CHRDL1: variants seen among roughly 807,000 people sequenced by gnomAD.
CHRDL1 encodes the protein chordin like 1, also known as chordin-like protein 1.
CHRDL1 carries 19 observed loss-of-function variants against 40.9 expected under a neutral mutation model. The ratio of observed to expected loss-of-function variants is 0.46; its 90% confidence interval spans 0.32 to 0.68. The LOEUF (loss-of-function observed/expected upper bound fraction) is 0.68, where lower values mean the gene tolerates loss of function less well. Ranked by LOEUF, CHRDL1 falls within the 30% of genes least tolerant of loss-of-function variation. The pLI is 0.03. For missense variants in CHRDL1, 329 were observed against 352.1 expected, an observed-to-expected ratio of 0.93 and a Z score of 0.53; for synonymous variants, 136 against 123.4, an observed-to-expected ratio of 1.10 and a Z score of -0.68.
chrX:110,691,892 C>A (rs980527867), intron 8 of CHRDL1, among the ~76,000 whole-genome samples: 1 of 109,529 alleles, frequency 9.1e-6, no homozygotes, highest in African/African-American at 3.3e-5. Context: ...ACAAGACAGG[C>A]CAGATGTGCT....
chrX:110,768,128 G>T (rs990732851), intron 2 of CHRDL1, among the ~76,000 whole-genome samples: 2 of 112,090 alleles, frequency 1.8e-5, no homozygotes, highest in African/African-American at 6.5e-5. Flanking sequence ...GGATGTATCA[G>T]AACATTCTCA....
intron 8 of CHRDL1, among the ~76,000 whole-genome samples, chrX:110,689,576 ATAT>A: frequency 2.1e-4 from 1 of 4,654 alleles, no homozygotes; most frequent in East Asian, 3.4e-3. Flanking sequence ...ATATATCTAT[ATAT>A]CTATATATCT....
intron 4 of CHRDL1, among the ~76,000 whole-genome samples, chrX:110,752,406 T>C (rs1476237069): frequency 8.9e-6 from 1 of 111,747 alleles, no homozygotes; most frequent in East Asian, 2.8e-4. Flanking sequence ...CCCCTTGTAC[T>C]GTGTCAAGTG....
chrX:110,784,987 A>G (rs1455178268), intron 2 of CHRDL1, among the ~76,000 whole-genome samples: 1 of 111,795 alleles, frequency 8.9e-6, no homozygotes, highest in Non-Finnish European at 1.9e-5. Flanking sequence ...GGCTAATATC[A>G]TCTCTTCCAT....
chrX:110,688,995 T>C (rs1341872700), intron 8 of CHRDL1, among the ~76,000 whole-genome samples, 192 bp from the exon 9 acceptor site: 1 of 97,590 alleles, frequency 1.0e-5, no homozygotes, highest in African/African-American at 4.3e-5. Flanking sequence ...CAGGAGCTTC[T>C]CCAGATTCTT....
chrX:110,785,196 T>C (rs981153634), intron 2 of CHRDL1, among the ~76,000 whole-genome samples: 11 of 111,565 alleles, frequency 9.9e-5, no homozygotes, highest in African/African-American at 3.6e-4. Context: ...TTGCATATCC[T>C]GCAACTCGTG....
Position 110,694,255 on chromosome X carries a change from G to A in CHRDL1, c.686C>T (p.Ala229Val), listed in dbSNP as rs375845300. ...CATAAGAGCTCCCCGGTGACTTCTG[G>A]CCCCAGGAAAGCGGGACAGACCTCC... ...QAGGLSRFPG[A>V]RSHRGALMDS... The change falls in exon 8 of 12, where the codon GCC becomes GTC. Residue 229 changes from alanine to valine, a missense_variant. By Grantham distance (64) the Ala-to-Val change is moderately conservative. Transcript: ENST00000372042. 25 of 1,207,285 alleles carry A rather than the reference G, an allele frequency of 2.1e-5. No homozygotes were observed. The African/African-American group carries it at 4.0e-4, about 19-fold the overall frequency.
intron 4 of CHRDL1, among the ~76,000 whole-genome samples, chrX:110,721,988 C>A (rs16986105): frequency 0.023 from 2,576 of 111,735 alleles, 74 homozygotes; most frequent in African/African-American, 0.078. Context: ...GCCCTGGTAA[C>A]TTTATTCCCT....
intron 6 of CHRDL1, among the ~76,000 whole-genome samples, chrX:110,710,308 C>T (rs752367712): frequency 9.2e-4 from 103 of 111,874 alleles, no homozygotes; most frequent in African/African-American, 3.1e-3. Flanking sequence ...CTATGGAATT[C>T]CTTGAAGGAG....
chrX:110,755,158 C>T (rs888071577), intron 4 of CHRDL1, among the ~76,000 whole-genome samples: 4 of 110,012 alleles, frequency 3.6e-5, no homozygotes, highest in Non-Finnish European at 5.7e-5. Flanking sequence ...AATTTAATGA[C>T]GTTCATGAGT....
intron 8 of CHRDL1, among the ~76,000 whole-genome samples, chrX:110,689,590 ATATATCTATATATATCTATATATC>A (rs1569461797): frequency 0.037 from 381 of 10,412 alleles, 9 homozygotes; most frequent in South Asian, 0.07. Flanking sequence ...CTATATATCT[ATATATCTATATATATCTATATATC>A]TATATATCTA....
intron 6 of CHRDL1, among the ~76,000 whole-genome samples, chrX:110,717,634 GAAC>G (rs1471990798): frequency 8.9e-6 from 1 of 111,803 alleles, no homozygotes; most frequent in African/African-American, 3.3e-5. Context: ...AAAACAGGGA[GAAC>G]AATAGTACTC....
At chrX:110,793,544 C>T (rs2090135605) in intron 1 of CHRDL1, among the ~76,000 whole-genome samples, 1 of 111,798 alleles carries the variant, frequency 8.9e-6, no homozygotes, top group Non-Finnish European at 1.9e-5. Flanking sequence ...TACAATCACT[C>T]AGAATGTTAC....
intron 9 of CHRDL1, among the ~76,000 whole-genome samples, chrX:110,686,067 T>A (rs73260104): frequency 9.1e-6 from 1 of 109,544 alleles, no homozygotes; most frequent in Non-Finnish European, 1.9e-5. Context: ...GCTAATTTTC[T>A]TTTATTTTTG....
intron 10 of CHRDL1, among the ~76,000 whole-genome samples, chrX:110,680,306 T>C (rs2069867840): frequency 8.9e-6 from 1 of 111,904 alleles, no homozygotes; most frequent in Non-Finnish European, 1.9e-5. Flanking sequence ...TGTCCTGTTA[T>C]GGATGAGCTA....
At chrX:110,763,590 C>CTCTA (rs200047885) in intron 2 of CHRDL1, among the ~76,000 whole-genome samples, 11,557 of 107,700 alleles carry the variant, frequency 0.11, 1,658 homozygotes, top group African/African-American at 0.38. Flanking sequence ...GTCTCTGTCT[C>CTCTA]TCTATCTATC....
rs2071048722 is a variant in CHRDL1, at chrX:110,725,974, C to T, written c.302-4444G>A. Among the ~76,000 whole-genome samples the T allele has an allele frequency of 1.8e-5, 2 of 111,028 alleles. 1 individual carries two copies. The highest frequency in any genetic ancestry group is 7.8e-4 in the South Asian group (2 of 2,568). ...AAGAGGTTATAGTCCCTTTAATTGC[C>T]CATGACACACAGAGAGACATACACA... On this transcript the variant is annotated intron_variant, in intron 4 of 11. Transcript: ENST00000372042.
intron 6 of CHRDL1, among the ~76,000 whole-genome samples, chrX:110,711,179 C>G (rs1029750985): frequency 8.9e-6 from 1 of 111,841 alleles, no homozygotes; most frequent in South Asian, 3.7e-4. Flanking sequence ...AAATTATTTT[C>G]TATCTGCAGT....
intron 2 of CHRDL1, among the ~76,000 whole-genome samples, chrX:110,782,615 T>C (rs1456735330): frequency 8.9e-5 from 10 of 112,730 alleles, no homozygotes; most frequent in Admixed American, 3.7e-4. Flanking sequence ...ACAAAGACTA[T>C]ATAAAATAGT....
Sources: gnomAD v4.1 joint callset for allele counts (sites outside exome capture counted in the v4.1 genomes callset) on GRCh38, gnomAD v4.1.1 for gene constraint, MANE v1.5 for transcripts, NCBI Gene and HGNC (gene_info 2026-07-23, HGNC 2026-07-21) for gene names.